The following TTN variants were observed in gnomAD, a reference collection of about 807,000 sequenced individuals.
TTN encodes titin, also known as connectin.
In TTN, 1,525 loss-of-function variants were observed where a neutral mutation model predicts 3,223.0. The ratio of observed to expected loss-of-function variants is 0.47; its 90% confidence interval spans 0.45 to 0.49. The LOEUF is 0.49. TTN is among the 20% of genes least tolerant of loss of function. The pLI, the probability that TTN is intolerant of heterozygous loss-of-function variation, is 0.00. For missense variants in TTN, 40,786 were observed against 43,424.0 expected, an observed-to-expected ratio of 0.94 and a Z score of 5.40; for synonymous variants, 14,094 against 15,161.0, an observed-to-expected ratio of 0.93 and a Z score of 5.17.
chr2:178,636,869 C>G lies in TTN; in HGVS notation c.40928-70G>C. On this transcript the variant is annotated intron_variant, in intron 224 of 362. Transcript: ENST00000589042. This position sits in a 1 kb window ranked among gnomAD's most constrained non-coding sequence, Gnocchi z 4.3. ...AGTCAGAAAGTTCATACTTGGCTGCCTGCTGGATAAAACCAGCCGTAAAGC... is the reference window on the plus strand; with the variant it reads ...AGTCAGAAAGTTCATACTTGGCTGCGTGCTGGATAAAACCAGCCGTAAAGC... The G allele has an allele frequency of 1.4e-6, 2 of 1,480,516 alleles. No homozygotes were observed. The highest frequency in any genetic ancestry group is 9.0e-7 in the Non-Finnish European group (1 of 1,116,694). The allele number at this position is 1,480,516 out of a possible 1,614,324, so 91.7% of individuals were successfully genotyped here. A position where few individuals can be genotyped will look rare whatever the true frequency, so the allele number is the denominator to read the frequency against.
In TTN at chr2:178,533,459, C is replaced by T. The variant is rs763989580; in HGVS notation, c.103156G>A (p.Val34386Met). ...EGQSVCFEIR[V>M]SGIPPPTLKW... ...AATGTTGGTGGGGGGATGCCAGACACTCTGATCTCAAAGCAGACACTTTGG... is the reference window on the plus strand; with the variant it reads ...AATGTTGGTGGGGGGATGCCAGACATTCTGATCTCAAAGCAGACACTTTGG... Residue 34386 changes from valine to methionine, a missense_variant, in exon 358 of 363, where the codon GTG (valine) becomes ATG (methionine). Physicochemically the swap from Val to Met is conservative, Grantham distance 21. Transcript: ENST00000589042. The T allele has an allele frequency of 6.2e-6, 10 of 1,613,606 alleles. No homozygotes were observed. Among genetic ancestry groups the T allele is most frequent in the South Asian group, 1.1e-5 (1 of 91,086 alleles).
chr2:178,704,132 T>G lies in TTN; in HGVS notation c.30223+15A>C. The stretch of plus-strand genomic sequence containing the variant: ...CTATGCTGTACCCACAAGGACTCCA[T>G]AGTGTTTCACGCACCTTCGATTCTG... On this transcript the variant is annotated intron_variant, in intron 106 of 362. Coordinates refer to ENST00000589042, the MANE Select transcript of TTN (RefSeq NM_001267550.2). The G allele has an allele frequency of 6.2e-7, 1 of 1,612,522 alleles. No individual in the cohort carries two copies. The highest frequency in any genetic ancestry group is 2.2e-5 in the East Asian group (1 of 44,882).
Position 178,575,932 on chromosome 2 carries a change from C to G in TTN, c.70200G>C (p.Leu23400=), listed in dbSNP as rs765776189. Residue 23400 remains leucine, a synonymous_variant, in exon 326 of 363, where the codon CTG becomes CTC. Transcript: ENST00000589042. The surrounding 1 kb of genome is among the most constrained non-coding windows in gnomAD (Gnocchi z 4.0). ...CATATCTGTTACATTCTGGGATAATCAGAAGAGTAAATGATTCCGTATTTT... is the reference window on the plus strand; with the variant it reads ...CATATCTGTTACATTCTGGGATAATGAGAAGAGTAAATGATTCCGTATTTT... The part of the protein sequence containing the change: ...NIENTESFTL[L]IIPECNRYDT... 6.2e-7 allele frequency: 1 copy of G among 1,613,164 alleles called. No homozygotes were observed. Among genetic ancestry groups the G allele is most frequent in the Non-Finnish European group, 8.5e-7 (1 of 1,179,302 alleles).
In TTN at chr2:178,594,635, G is replaced by C. The variant is rs372710684; in HGVS notation, c.57859C>G (p.Arg19287Gly). Residue 19287 changes from arginine to glycine, a missense_variant, in exon 296 of 363, where the codon CGT (arginine) becomes GGT (glycine). Arg to Gly is a moderately radical substitution (Grantham distance 125). Coordinates refer to ENST00000589042, the MANE Select transcript of TTN (RefSeq NM_001267550.2). Reference sequence around the variant, plus strand: ...TCTTTGACTTCCAGGTCTTCAGGACGCTCTGGTACAGCTGCGAATATAAGT... The same window carrying C: ...TCTTTGACTTCCAGGTCTTCAGGACCCTCTGGTACAGCTGCGAATATAAGT... ...VIREPITVPE[R>G]PEDLEVKEVT... is the part of the protein sequence containing the mutation. 1 of 1,603,562 alleles carries C rather than the reference G, an allele frequency of 6.2e-7. No individual in the cohort carries two copies. Among genetic ancestry groups the C allele is most frequent in the Admixed American group, 1.7e-5 (1 of 58,746 alleles).
Position 178,558,025 on chromosome 2 carries a change from G to A in TTN, c.87329C>T (p.Ala29110Val), listed in dbSNP as rs763682832. The change falls in exon 328 of 363, where the codon GCT (alanine) becomes GTT (valine). Residue 29110 changes from alanine to valine, a missense_variant. Transcript: ENST00000589042. ...LTINLKESVT[A>V]DAGRYEITAA... ...AGTGATTTCATATCTCCCAGCGTCA[G>A]CTGTAACACTTTCTTTGAGATTGAT... 41 of 1,613,926 alleles carry A rather than the reference G, an allele frequency of 2.5e-5. 1 individual carries two copies. The South Asian group carries it at 4.3e-4, about 17-fold the overall frequency.
At chr2:178,642,133 C>A in intron 219 of TTN, 104 bp downstream of exon 219, 2 of 886,694 alleles carry the variant, frequency 2.3e-6, no homozygotes, top group Non-Finnish European at 3.2e-6. Context: ...TGATAAATAG[C>A]GAACCAATTC....
At position 178,531,320 on chromosome 2, in the gene TTN, A is replaced by G. The variant is rs1311764657; in HGVS notation, c.105295T>C (p.Ser35099Pro). The G allele has an allele frequency of 6.2e-7, 1 of 1,613,832 alleles. No individual in the cohort carries two copies. The highest frequency in any genetic ancestry group is 8.5e-7 in the Non-Finnish European group (1 of 1,179,892). Residue 35099 changes from serine to proline, a missense_variant, in exon 358 of 363, where the codon TCT becomes CCT. Coordinates refer to ENST00000589042, the MANE Select transcript of TTN (RefSeq NM_001267550.2). Reference sequence around the variant, plus strand: ...GCACTTTTCATTTCTGCAGATGCAGAGTGTTCATATGAGGAGAGACTTTCC... The same window carrying G: ...GCACTTTTCATTTCTGCAGATGCAGGGTGTTCATATGAGGAGAGACTTTCC... ...TRESLSSYEH[S>P]ASAEMKSAAL... is the part of the protein sequence containing the mutation.
In TTN at chr2:178,556,938, ACTGGGAATT is replaced by A. The variant is rs1230479077; in HGVS notation, c.88207_88215del (p.Asn29403_Gln29405del). The stretch of plus-strand genomic sequence containing the variant: ...TTCCTAGCAAAGACACGGAATTCAT[ACTGGGAATT>A]CTGAGTCAAGCCAGAGATGATGAAT... On this transcript the variant is annotated inframe_deletion, in exon 330 of 363. Transcript: ENST00000589042. The A allele has an allele frequency of 6.2e-7, 1 of 1,613,838 alleles. No homozygotes were observed. The highest frequency in any genetic ancestry group is 1.3e-5 in the African/African-American group (1 of 75,052).
At chr2:178,635,395 A>G (rs1212456376) in intron 227 of TTN, 45 bp downstream of exon 227, 2 of 1,604,746 alleles carry the variant, frequency 1.2e-6, no homozygotes, top group African/African-American at 1.3e-5. Context: ...TTGGCTTTAC[A>G]CATACGCAAA....
chr2:178,640,475 A>G, intron 221 of TTN, 66 bp downstream of exon 221: 1 of 1,369,176 alleles, frequency 7.3e-7, no homozygotes. Context: ...ATGTCAGTGT[A>G]ATGATATTTT....
rs567515550 is a variant in TTN at position 178,601,735 on chromosome 2, G to C, written c.55355C>G (p.Ser18452Cys). Residue 18452 changes from serine (S) to cysteine (C), a missense_variant, in exon 286 of 363, where the codon TCT (serine) becomes TGT (cysteine). Physicochemically the swap from Ser to Cys is moderately radical, Grantham distance 112. Coordinates refer to ENST00000589042, the MANE Select transcript of TTN (RefSeq NM_001267550.2). ...TGTGATGCTGTATTTGCCTGTATGA[G>C]ATCGTTTACACTCCGGAATAATAAT... is the stretch of plus-strand genomic sequence containing the variant. ...SVIIIPECKR[S>C]HTGKYSITAK... The C allele has an allele frequency of 1.4e-5, 23 of 1,609,830 alleles. No homozygotes were observed. Among genetic ancestry groups the C allele is most frequent in the Non-Finnish European group, 2.0e-5 (23 of 1,178,586 alleles).
At chr2:178,610,852 A>G (rs1200496488) in intron 270 of TTN, 141 bp downstream of exon 270, 2 of 1,061,374 alleles carry the variant, frequency 1.9e-6, no homozygotes, top group East Asian at 2.4e-5. Context: ...TACTTCTCCT[A>G]TGGAAAGACA....
rs1437134498 is a variant in TTN at position 178,570,337 on chromosome 2, C to T, written c.75795G>A (p.Lys25265=). The part of the protein sequence containing the change: ...VDANVQTLSC[K]VTKLLEGNEY... The stretch of plus-strand genomic sequence containing the variant: ...CATTGCCTTCAAGAAGCTTAGTAAC[C>T]TTGCAGCTGAGAGTCTGCACATTGG... Residue 25265 remains lysine (K), a synonymous_variant, in exon 326 of 363, where the codon AAG becomes AAA. Transcript: ENST00000589042. The T allele has an allele frequency of 6.2e-7, 1 of 1,613,280 alleles. No homozygotes were observed. The highest frequency in any genetic ancestry group is 1.7e-5 in the Admixed American group (1 of 59,960).
intron 13 of TTN, among the ~76,000 whole-genome samples, 157 bp from the exon 14 acceptor site, chr2:178,786,298 GATT>G (rs1225330787): frequency 6.6e-6 from 1 of 152,104 alleles, no homozygotes; most frequent in East Asian, 1.9e-4. Context: ...CTATTTCATT[GATT>G]ATTATATTGT....
Position 178,533,749 on chromosome 2 carries a change from A to G in TTN, c.102866T>C (p.Val34289Ala), listed in dbSNP as rs1370660271. 2 of 1,613,994 alleles carry G rather than the reference A, an allele frequency of 1.2e-6. No homozygotes were observed. Among genetic ancestry groups the G allele is most frequent in the Non-Finnish European group, 8.5e-7 (1 of 1,179,870 alleles). ...VTITVHPEPH[V>A]TWYKSGQKIK... is the part of the protein sequence containing the mutation. ...TTTCTGACCTGATTTATACCATGTTACATGAGGCTCTGGGTGGACAGTTAT... is the reference window on the plus strand; with the variant it reads ...TTTCTGACCTGATTTATACCATGTTGCATGAGGCTCTGGGTGGACAGTTAT... The change falls in exon 358 of 363, where the codon GTA (valine) becomes GCA (alanine). Residue 34289 changes from valine to alanine, a missense_variant. Coordinates refer to ENST00000589042, the MANE Select transcript of TTN (RefSeq NM_001267550.2).
At chr2:178,746,797 G>A in intron 47 of TTN, 1 of 1,613,370 alleles carries the variant, frequency 6.2e-7, no homozygotes, top group Non-Finnish European at 8.5e-7. Flanking sequence ...CAACAATGAA[G>A]CCTAGTGTTG....
Position 178,595,673 on chromosome 2 carries a change from G to A in TTN, c.57681C>T (p.Asp19227=). Residue 19227 remains aspartate, a synonymous_variant, in exon 295 of 363, where the codon GAC becomes GAT. Transcript: ENST00000589042. The part of the protein sequence containing the change: ...TNYVIEKRES[D]RRAWTPVTYT... ...ATGTCACTGGGGTCCATGCTCTGCG[G>A]TCAGATTCACGCTTTTCAATGACAT... is the stretch of plus-strand genomic sequence containing the variant. 1 of 1,608,550 alleles carries A rather than the reference G, an allele frequency of 6.2e-7. No individual in the cohort carries two copies. The highest frequency in any genetic ancestry group is 8.5e-7 in the Non-Finnish European group (1 of 1,177,478).
In TTN at chr2:178,684,696, T is replaced by C. The variant is rs1357077024; in HGVS notation, c.32608A>G (p.Ile10870Val). 1.2e-6 allele frequency: 2 copies of C among 1,613,058 alleles called. No homozygotes were observed. Among genetic ancestry groups the C allele is most frequent in the Admixed American group, 1.7e-5 (1 of 59,870 alleles). ...VPEKKVPPKV[I>V]KMEEPLPAKV... ...GCTGGGAGAGGTTCTTCCATCTTAA[T>C]GACTTTTGGAGGAACCTTTTTTTCT... Residue 10870 changes from isoleucine (I) to valine (V), a missense_variant, in exon 131 of 363, where the codon ATT (isoleucine) becomes GTT (valine). Physicochemically the swap from Ile to Val is conservative, Grantham distance 29. Transcript: ENST00000589042.
rs2058758077 is a variant in TTN, at chr2:178,624,616, A to G, written c.44664T>C (p.Asn14888=). The G allele has an allele frequency of 6.2e-7, 1 of 1,612,510 alleles. No individual in the cohort carries two copies. Among genetic ancestry groups the G allele is most frequent in the South Asian group, 1.1e-5 (1 of 91,052 alleles). ...RENAKVKWFK[N]GTEILKSKKY... is the part of the protein sequence containing the mutation. ...TCTTGCTTTTGAGGATTTCTGTCCCATTTTTGAACCATTTCACCTTAGCAT... is the reference window on the plus strand; with the variant it reads ...TCTTGCTTTTGAGGATTTCTGTCCCGTTTTTGAACCATTTCACCTTAGCAT... The change falls in exon 242 of 363, where the codon AAT becomes AAC. Residue 14888 remains asparagine, a synonymous_variant. Transcript: ENST00000589042.
Sources: allele counts gnomAD v4.1 joint callset (sites outside exome capture counted in the v4.1 genomes callset), GRCh38; gene constraint gnomAD v4.1.1; non-coding constraint Gnocchi (gnomAD v3.1); transcripts MANE v1.5; gene names NCBI Gene and HGNC (gene_info 2026-07-23, HGNC 2026-07-21).